TRPA1: variants seen among roughly 807,000 people sequenced by gnomAD.
TRPA1 encodes the protein ankyrin-like with transmembrane domains 1.
A neutral mutation model predicts 131.3 loss-of-function variants in TRPA1; 129 were observed. The ratio of observed to expected loss-of-function variants is 0.98; its 90% CI spans 0.85 to 1.14. TRPA1 has a LOEUF of 1.14. Among genes scored for constraint, TRPA1 ranks in the 50% most tolerant of loss-of-function variants. The probability of loss-of-function intolerance (pLI) is 0.00; values close to 1 mark genes in which losing one functional copy is unlikely to be tolerated. For missense variants in TRPA1, 1,304 were observed against 1,354.2 expected, an observed-to-expected ratio of 0.96 and a Z score of 0.58; for synonymous variants, 441 against 451.7, an observed-to-expected ratio of 0.98 and a Z score of 0.30.
Position 72,056,971 on chromosome 8 carries a change from A to G in TRPA1, c.1140T>C (p.His380=). The G allele has an allele frequency of 6.2e-7, 1 of 1,609,960 alleles. No individual in the cohort carries two copies. The highest frequency in any genetic ancestry group is 1.3e-5 in the African/African-American group (1 of 74,936). ...IKDNFGRNFL[H]LTVQQPYGLK... is the part of the protein sequence containing the mutation. ...ATCCATAAGGTTGCTGTACAGTTAA[A>G]TGCAGAAAATTACGTCCAAAATTAT... The change falls in exon 10 of 27, where the codon CAT becomes CAC. Residue 380 remains histidine (H), a synonymous_variant. Coordinates refer to ENST00000262209, the MANE Select transcript of TRPA1 (RefSeq NM_007332.3).
chr8:72,083,999 TATAATC>T, the TRPA1 span, among the ~76,000 whole-genome samples: 3 of 152,194 alleles, frequency 2.0e-5, no homozygotes, highest in African/African-American at 4.8e-5. Context: ...AAGCTGAACA[TATAATC>T]ATAGTCACAG....
intron 24 of TRPA1, among the ~76,000 whole-genome samples, chr8:72,027,580 A>T (rs1811653407): frequency 6.6e-6 from 1 of 152,174 alleles, no homozygotes; most frequent in Non-Finnish European, 1.5e-5. Context: ...GCCCCTGAAG[A>T]ACTGACAGTC....
At chr8:72,053,151 ATCC>A (rs1172116562) in intron 13 of TRPA1, 4 of 254,198 alleles carry the variant, frequency 1.6e-5, no homozygotes, top group African/African-American at 8.9e-5. Flanking sequence ...ACAGAAGAAA[ATCC>A]TCCTGAGATT....
chr8:72,071,992 A>C (rs145744756), intron 1 of TRPA1, 125 bp from the exon 2 acceptor site: 1 of 870,564 alleles, frequency 1.1e-6, no homozygotes, highest in Non-Finnish European at 1.8e-6. Context: ...TGAGGTAAAT[A>C]TTTTTCTTGA....
At chr8:72,027,423 C>T (rs1157687682) in intron 24 of TRPA1, among the ~76,000 whole-genome samples, 5 of 152,168 alleles carry the variant, frequency 3.3e-5, no homozygotes, top group Middle Eastern at 3.4e-3. Flanking sequence ...GTAAGATGCA[C>T]GCTGCGGATT....
chr8:72,060,685 A>C (rs1805786444), intron 7 of TRPA1, among the ~76,000 whole-genome samples: 2 of 152,048 alleles, frequency 1.3e-5, no homozygotes, highest in Admixed American at 1.3e-4. Context: ...TTTTCTTGGA[A>C]GTAAATTTGT....
the TRPA1 span, among the ~76,000 whole-genome samples, chr8:72,083,073 C>A: frequency 9.1e-3 from 1,378 of 152,108 alleles, 19 homozygotes; most frequent in African/African-American, 0.031. Flanking sequence ...TGCTATTGAA[C>A]CTACTAGTAA....
upstream of TRPA1, chr8:72,075,601 C>A: frequency 1.7e-6 from 1 of 602,534 alleles, no homozygotes; most frequent in East Asian, 2.8e-5. Flanking sequence ...TTCTCAGGCC[C>A]GCGCTACTTT....
intron 21 of TRPA1, among the ~76,000 whole-genome samples, chr8:72,035,710 C>A (rs2129433548): frequency 6.6e-6 from 1 of 152,088 alleles, no homozygotes; most frequent in Admixed American, 6.5e-5. Context: ...CCCATACTAT[C>A]CATCAGTTCA....
At chr8:72,041,150 C>T (rs1812237693) in intron 17 of TRPA1, 1 of 152,010 alleles carries the variant, frequency 6.6e-6, no homozygotes, top group South Asian at 2.1e-4. Context: ...ACAACGTCAA[C>T]TCACCAGGAA....
intron 25 of TRPA1, 139 bp downstream of exon 25, chr8:72,025,821 T>C: frequency 1.3e-6 from 1 of 744,018 alleles, no homozygotes; most frequent in Non-Finnish European, 2.3e-6. Flanking sequence ...AATCATATCC[T>C]TTTTTTAAAA....
intron 15 of TRPA1, among the ~76,000 whole-genome samples, chr8:72,049,775 T>C (rs1466017314): frequency 2.6e-5 from 4 of 152,158 alleles, no homozygotes; most frequent in Non-Finnish European, 5.9e-5. Flanking sequence ...GTTCTTGAGA[T>C]GTTGGCTATA....
At chr8:72,061,546 G>C in intron 7 of TRPA1, 79 bp downstream of exon 7, 1 of 1,548,942 alleles carries the variant, frequency 6.5e-7, no homozygotes, top group South Asian at 1.1e-5. Flanking sequence ...TAGCATTAGT[G>C]CTAACTGCTC....
intron 3 of TRPA1, among the ~76,000 whole-genome samples, chr8:72,067,707 C>A (rs1156489332): frequency 1.3e-5 from 2 of 152,186 alleles, no homozygotes; most frequent in Admixed American, 1.3e-4. Flanking sequence ...CTGCGGGAGT[C>A]CCTGTAGTCA....
At chr8:72,070,413 C>A (rs964762742) in intron 2 of TRPA1, among the ~76,000 whole-genome samples, 1 of 152,186 alleles carries the variant, frequency 6.6e-6, no homozygotes, top group Non-Finnish European at 1.5e-5. Context: ...TTCATCATTC[C>A]ATTTGGCGCA....
chr8:72,029,315 G>C (rs1487460968), intron 24 of TRPA1, among the ~76,000 whole-genome samples: 1 of 152,136 alleles, frequency 6.6e-6, no homozygotes, highest in Non-Finnish European at 1.5e-5. Context: ...CTAGCTACCT[G>C]GGTGGCCACA....
chr8:72,080,387 CAT>C (rs79055345), upstream of TRPA1, among the ~76,000 whole-genome samples: 28,753 of 151,560 alleles, frequency 0.19, 2,998 homozygotes, highest in East Asian at 0.37. Flanking sequence ...AAGATGATCA[CAT>C]GTTTTTTTCT....
Position 72,050,843 on chromosome 8 carries a change from G to T in TRPA1, c.1840C>A (p.His614Asn). The change falls in exon 15 of 27, where the codon CAT (histidine) becomes AAT (asparagine). Residue 614 changes from histidine (H) to asparagine (N), a missense_variant. His to Asn is a moderately conservative substitution (Grantham distance 68, BLOSUM62 1). Transcript: ENST00000262209. ...RWDECLKIFSHNSPGNKCPIT... is the reference protein window; with the variant it reads ...RWDECLKIFSNNSPGNKCPIT... The stretch of plus-strand genomic sequence containing the variant: ...GGACATTTATTGCCTGGAGAATTAT[G>T]ACTGAAAATCTTAAGACATTCATCC... 2 of 1,610,626 alleles carry T rather than the reference G, an allele frequency of 1.2e-6. No individual in the cohort carries two copies. The highest frequency in any genetic ancestry group is 2.2e-5 in the South Asian group (2 of 90,994).
intron 13 of TRPA1, 107 bp downstream of exon 13, chr8:72,053,645 TG>T: frequency 1.2e-6 from 1 of 811,764 alleles, no homozygotes; most frequent in Non-Finnish European, 2.1e-6. Flanking sequence ...AACAAAAGGC[TG>T]GGAATAGAGC....
Sources: gnomAD v4.1 joint callset for allele counts (sites outside exome capture counted in the v4.1 genomes callset) on GRCh38, gnomAD v4.1.1 for gene constraint, MANE v1.5 for transcripts, NCBI Gene and HGNC (gene_info 2026-07-23, HGNC 2026-07-21) for gene names.